The following MAGI3 variants were observed in gnomAD, a reference collection of about 807,000 sequenced individuals.
The protein encoded by MAGI3 is membrane-associated guanylate kinase, WW and PDZ domain-containing protein 3.
MAGI3 carries 43 observed loss-of-function variants against 121.8 expected under a neutral mutation model. The observed-to-expected ratio is 0.35, with a 90% CI of 0.28 to 0.46. The LOEUF (loss-of-function observed/expected upper bound fraction) is 0.46. Among genes scored for constraint, MAGI3 ranks in the 20% least tolerant of loss-of-function variants. The probability of loss-of-function intolerance (pLI) is 1.00; values close to 1 mark genes in which losing one functional copy is unlikely to be tolerated. For synonymous variants in MAGI3, 553 were observed against 639.3 expected (o/e 0.86, Z 2.04); for missense variants, 1,547 against 1,797.3 (o/e 0.86, Z 2.52).
chr1:113,656,025 G>C (rs1429795463), intron 15 of MAGI3, among the ~76,000 whole-genome samples: 3 of 152,202 alleles, frequency 2.0e-5, no homozygotes, highest in African/African-American at 7.2e-5. Context: ...TAAAATGTAA[G>C]ATTGAGGCAG....
In MAGI3 at chr1:113,643,784, C is replaced by T. The variant is rs767948391; in HGVS notation, c.1998+10C>T. The T allele has an allele frequency of 1.9e-6, 3 of 1,612,118 alleles. No individual in the cohort carries two copies. The highest frequency in any genetic ancestry group is 3.3e-4 in the Middle Eastern group (2 of 6,060). ...CAAAACTGCCAAAATGGTGAGTATA[C>T]ACTGGTCCTCAAATCTTTTCCCCAA... On this transcript the variant is annotated intron_variant, in intron 11 of 20. Coordinates refer to ENST00000307546, the MANE Select transcript of MAGI3 (RefSeq NM_001142782.2).
At chr1:113,632,886 GTTTAGTTT>G (rs1651725477) in intron 9 of MAGI3, among the ~76,000 whole-genome samples, 1 of 144,868 alleles carries the variant, frequency 6.9e-6, no homozygotes, top group African/African-American at 2.4e-5. Context: ...CTTTTGTTTT[GTTTAGTTT>G]TTTAGTTTTT....
At chr1:113,410,030 G>A (rs1439632649) in intron 1 of MAGI3, among the ~76,000 whole-genome samples, 1 of 152,068 alleles carries the variant, frequency 6.6e-6, no homozygotes, top group African/African-American at 2.4e-5. Flanking sequence ...TCCTAGCCTC[G>A]TCTTTTATCA....
At chr1:113,677,178 T>G (rs1647925612) in intron 19 of MAGI3, among the ~76,000 whole-genome samples, 1 of 152,280 alleles carries the variant, frequency 6.6e-6, no homozygotes, top group South Asian at 2.1e-4. Flanking sequence ...AACTGAGAAA[T>G]AGCTGAATGG....
chr1:113,649,678 C>G (rs1353730685), intron 13 of MAGI3, among the ~76,000 whole-genome samples: 1 of 152,202 alleles, frequency 6.6e-6, no homozygotes, highest in African/African-American at 2.4e-5. Context: ...ATCCCATGTC[C>G]TCTTTCCCAC....
intron 2 of MAGI3, among the ~76,000 whole-genome samples, chr1:113,553,852 T>C (rs12760040): frequency 0.019 from 2,931 of 152,014 alleles, 44 homozygotes; most frequent in Middle Eastern, 0.038. Flanking sequence ...CTACTAAAAA[T>C]ACAAAAATTA....
At chr1:113,558,770 C>A (rs1022778654) in intron 2 of MAGI3, among the ~76,000 whole-genome samples, 2 of 152,130 alleles carry the variant, frequency 1.3e-5, no homozygotes, top group African/African-American at 4.8e-5. Context: ...TAATCAGATT[C>A]TCTAAGGTTG....
At chr1:113,413,682 C>G (rs1652132095) in intron 1 of MAGI3, among the ~76,000 whole-genome samples, 1 of 152,030 alleles carries the variant, frequency 6.6e-6, no homozygotes, top group Non-Finnish European at 1.5e-5. Context: ...CTCTGTTTGT[C>G]TGTTAATGGT....
chr1:113,637,739 TGGC>T (rs1476631424), intron 9 of MAGI3, among the ~76,000 whole-genome samples: 6 of 152,204 alleles, frequency 3.9e-5, no homozygotes, highest in African/African-American at 1.4e-4. Context: ...AGTATCTTTG[TGGC>T]ATTCTCTGTA....
rs899605723 is a variant in MAGI3, at chr1:113,479,491, T to C, written c.317-70024T>C. The stretch of plus-strand genomic sequence containing the variant: ...ACTCATGGTCTTAAAATCGTTCCCT[T>C]GTATGTGACTAGTCATTTGCTGCTT... On this transcript the variant is annotated intron_variant, in intron 1 of 20. Transcript: ENST00000307546. 3.3e-5 allele frequency among the ~76,000 whole-genome samples: 5 copies of C among 152,178 alleles called. No homozygotes were observed. The East Asian group carries it at 5.8e-4, about 18-fold the overall frequency.
rs1158969112 is a variant in MAGI3 at position 113,599,835 on chromosome 1, A to T, written c.1018+5275A>T. ...CAAAAATCCTCAATAAAATACTGGCAAACTGAATCCAGCAGCACATCAAAA... is the reference window on the plus strand; with the variant it reads ...CAAAAATCCTCAATAAAATACTGGCTAACTGAATCCAGCAGCACATCAAAA... On this transcript the variant is annotated intron_variant, in intron 6 of 20. Transcript: ENST00000307546. 3.3e-5 allele frequency among the ~76,000 whole-genome samples: 5 copies of T among 152,068 alleles called. 1 individual carries two copies. Among genetic ancestry groups the T allele is most frequent in the Middle Eastern group, 6.8e-3 (2 of 294 alleles).
chr1:113,586,479 G>A (rs1427204177), intron 4 of MAGI3, among the ~76,000 whole-genome samples: 1 of 152,124 alleles, frequency 6.6e-6, no homozygotes, highest in Non-Finnish European at 1.5e-5. Flanking sequence ...CATTGTTTAT[G>A]TCCCACTCCA....
intron 6 of MAGI3, among the ~76,000 whole-genome samples, chr1:113,602,763 A>G (rs1031209154): frequency 6.6e-6 from 1 of 152,004 alleles, no homozygotes; most frequent in South Asian, 2.1e-4. Flanking sequence ...CTATTTCTAC[A>G]AAAAATACAC....
rs761562327 is a variant in MAGI3 at position 113,653,934 on chromosome 1, C to G, written c.2545C>G (p.Pro849Ala). Residue 849 changes from proline to alanine, a missense_variant, in exon 15 of 21, where the codon CCC becomes GCC. Physicochemically the swap from Pro to Ala is conservative, Grantham distance 27. Transcript: ENST00000307546. ...CCCAGCCAGGCCTGCACCCCAGGAG[C>G]CCTATGATGTTGTCTTGCAACGAAA... is the stretch of plus-strand genomic sequence containing the variant. ...EVPARPAPQEPYDVVLQRKEN... is the reference protein window; with the variant it reads ...EVPARPAPQEAYDVVLQRKEN... 1.2e-6 allele frequency: 2 copies of G among 1,613,922 alleles called. No homozygotes were observed. The highest frequency in any genetic ancestry group is 2.7e-5 in the African/African-American group (2 of 74,896).
At chr1:113,417,026 T>TA (rs1557745677) in intron 1 of MAGI3, among the ~76,000 whole-genome samples, 1 of 152,034 alleles carries the variant, frequency 6.6e-6, no homozygotes, top group Non-Finnish European at 1.5e-5. Flanking sequence ...ATTGATTTTT[T>TA]AAAAAACTTT....
At chr1:113,407,785 G>A (rs1247484478) in intron 1 of MAGI3, among the ~76,000 whole-genome samples, 1 of 152,096 alleles carries the variant, frequency 6.6e-6, no homozygotes, top group Non-Finnish European at 1.5e-5. Context: ...TAGCTTGTAA[G>A]AATAAAAGTG....
intron 1 of MAGI3, among the ~76,000 whole-genome samples, chr1:113,511,403 CAAATGCTTCGTGCT>C (rs991723864): frequency 1.3e-5 from 2 of 152,160 alleles, no homozygotes; most frequent in African/African-American, 4.8e-5. Context: ...TTGTTAGAAA[CAAATGCTTCGTGCT>C]GCAAAGAAGA....
At chr1:113,570,642 G>GT (rs1647238956) in intron 2 of MAGI3, among the ~76,000 whole-genome samples, 1 of 152,178 alleles carries the variant, frequency 6.6e-6, no homozygotes, top group South Asian at 2.1e-4. Flanking sequence ...GTAATGACCA[G>GT]TGATGATGAG....
intron 18 of MAGI3, 144 bp from the exon 19 acceptor site, chr1:113,673,178 C>T (rs1647666325): frequency 9.9e-7 from 1 of 1,006,546 alleles, no homozygotes; most frequent in Admixed American, 3.2e-5. Context: ...AGCCCTTTAA[C>T]CAAAACCTAC....
Sources: allele counts gnomAD v4.1 joint callset (sites outside exome capture counted in the v4.1 genomes callset), GRCh38; gene constraint gnomAD v4.1.1; transcripts MANE v1.5; gene names NCBI Gene and HGNC (gene_info 2026-07-23, HGNC 2026-07-21).